EIF2S2: variants seen among roughly 807,000 people sequenced by gnomAD.
EIF2S2 encodes the protein eukaryotic translation initiation factor 2 subunit beta.
A neutral mutation model predicts 44.0 loss-of-function variants in EIF2S2; 4 were observed. That is an observed-to-expected ratio of 0.09 (90% CI 0.04 to 0.21). The LOEUF is 0.21. EIF2S2 is among the 10% of genes least tolerant of loss of function. The probability of loss-of-function intolerance (pLI) is 1.00; values close to 1 mark genes in which losing one functional copy is unlikely to be tolerated. For synonymous variants in EIF2S2, 108 were observed against 128.3 expected (o/e 0.84, Z 1.07); for missense variants, 154 against 392.0 (o/e 0.39, Z 5.13).
chr20:34,098,585 C>T lies in EIF2S2; in HGVS notation c.346G>A (p.Asp116Asn). The T allele has an allele frequency of 6.2e-7, 1 of 1,613,976 alleles. No homozygotes were observed. The change falls in exon 4 of 9, where the codon GAC (aspartate) becomes AAC (asparagine). Residue 116 changes from aspartate to asparagine, a missense_variant. Physicochemically the swap from Asp to Asn is conservative, Grantham distance 23 (BLOSUM62 1). This residue lies in a region of EIF2S2 where 134 missense variants were observed against 225.0 expected (regional missense o/e 0.60). Coordinates refer to ENST00000374980, the MANE Select transcript of EIF2S2 (RefSeq NM_003908.5). Reference protein sequence around the residue: ...DVQEPTEPEDDLDIMLGNKKK... With the variant: ...DVQEPTEPEDNLDIMLGNKKK... Reference sequence around the variant, plus strand: ...TTATTGCCAAGCATAATGTCAAGGTCATCCTCTGGTTCAGTTGGTTCTTGA... The same window carrying T: ...TTATTGCCAAGCATAATGTCAAGGTTATCCTCTGGTTCAGTTGGTTCTTGA...
intron 7 of EIF2S2, among the ~76,000 whole-genome samples, chr20:34,091,776 T>TTTGGGGGGGGGG (rs4012181): frequency 1.0e-5 from 1 of 95,814 alleles, no homozygotes. Flanking sequence ...TTTATTTTTT[T>TTTGGGGGGGGGG]GGGGGGGGGG....
At chr20:34,091,798 G>A (rs2034168825) in intron 7 of EIF2S2, among the ~76,000 whole-genome samples, 1 of 149,604 alleles carries the variant, frequency 6.7e-6, no homozygotes, top group Non-Finnish European at 1.5e-5. Flanking sequence ...GTCCAAGGGT[G>A]GAGGTTTAAT....
At chr20:34,110,574 T>C (rs1312541849) in intron 1 of EIF2S2, among the ~76,000 whole-genome samples, 1 of 152,226 alleles carries the variant, frequency 6.6e-6, no homozygotes, top group South Asian at 2.1e-4. Context: ...CCATCTTTGC[T>C]TCACAAAATT....
At chr20:34,100,012 ACTT>A (rs1314864078) in intron 3 of EIF2S2, among the ~76,000 whole-genome samples, 24 of 152,066 alleles carry the variant, frequency 1.6e-4, no homozygotes, top group Admixed American at 3.9e-4. Context: ...TACATTATTT[ACTT>A]CTTATTATTA....
intron 1 of EIF2S2, among the ~76,000 whole-genome samples, chr20:34,107,354 A>C (rs935287382): frequency 3.3e-5 from 5 of 152,152 alleles, no homozygotes; most frequent in Non-Finnish European, 7.4e-5. Flanking sequence ...AAGTGTTTAA[A>C]AGCACAAGTC....
At chr20:34,094,519 A>T (rs11700255) in intron 6 of EIF2S2, among the ~76,000 whole-genome samples, 40,503 of 152,090 alleles carry the variant, frequency 0.27, 6,604 homozygotes, top group Non-Finnish European at 0.36. Context: ...CAAACAGGCT[A>T]ATAAATATAT....
At chr20:34,092,800 G>A (rs184545423) in intron 7 of EIF2S2, among the ~76,000 whole-genome samples, 95 of 152,312 alleles carry the variant, frequency 6.2e-4, no homozygotes, top group African/African-American at 2.2e-3. Context: ...AGAGTAGGAA[G>A]AGAACACCTT....
chr20:34,094,458 G>T (rs77203845), intron 6 of EIF2S2, among the ~76,000 whole-genome samples: 1 of 152,232 alleles, frequency 6.6e-6, no homozygotes, highest in South Asian at 2.1e-4. Flanking sequence ...AAGCAAATGT[G>T]TCAAAAGTTC....
intron 7 of EIF2S2, among the ~76,000 whole-genome samples, chr20:34,092,058 A>C (rs995784339): frequency 5.9e-5 from 9 of 152,118 alleles, no homozygotes; most frequent in African/African-American, 2.2e-4. Flanking sequence ...TCAAAATTAT[A>C]AATCATAAAG....
intron 2 of EIF2S2, among the ~76,000 whole-genome samples, chr20:34,104,075 T>G (rs1395249376): frequency 6.6e-6 from 1 of 152,194 alleles, no homozygotes; most frequent in Non-Finnish European, 1.5e-5. Flanking sequence ...AAAATCTGGT[T>G]AGGGGACCAT....
At chr20:34,103,367 A>C in intron 3 of EIF2S2, 95 bp downstream of exon 3, 1 of 1,434,166 alleles carries the variant, frequency 7.0e-7, no homozygotes, top group Non-Finnish European at 9.2e-7. Flanking sequence ...AACAAAAGCA[A>C]AGCTAGTAAG....
At chr20:34,099,630 AC>A (rs2034272990) in intron 3 of EIF2S2, among the ~76,000 whole-genome samples, 1 of 152,122 alleles carries the variant, frequency 6.6e-6, no homozygotes, top group Admixed American at 6.6e-5. Flanking sequence ...GTTCCTCAAG[AC>A]TGCCTTCACT....
At chr20:34,098,477 C>A in intron 4 of EIF2S2, 21 bp downstream of exon 4, 11 of 1,611,236 alleles carry the variant, frequency 6.8e-6, no homozygotes, top group Non-Finnish European at 9.3e-6. Context: ...TCTAAATGTG[C>A]TGCTGAGTCC....
At chr20:34,098,996 T>C (rs1431615838) in intron 3 of EIF2S2, among the ~76,000 whole-genome samples, 2 of 152,232 alleles carry the variant, frequency 1.3e-5, no homozygotes, top group Non-Finnish European at 2.9e-5. Flanking sequence ...GTGGGATCTT[T>C]CCCCCTCATT....
rs565031412 is a variant in EIF2S2 at position 34,098,775 on chromosome 20, G to A, written c.298-142C>T. The A allele has an allele frequency of 1.3e-4, 125 of 979,594 alleles. No individual in the cohort carries two copies. In the East Asian group the frequency reaches 2.9e-3, roughly 22 times the overall value. 60.7% of individuals were successfully genotyped at this position (979,594 alleles called of 1,614,324 possible). On this transcript the variant is annotated intron_variant, in intron 3 of 8. Coordinates refer to ENST00000374980, the MANE Select transcript of EIF2S2 (RefSeq NM_003908.5). ...ACTCCTGGCCTCAAGAGATCCTCCC[G>A]CCCTGGCCTCCCAAAATGCTGGGAT...
intron 2 of EIF2S2, among the ~76,000 whole-genome samples, chr20:34,105,039 A>G (rs1568718308): frequency 6.6e-6 from 1 of 152,236 alleles, no homozygotes; most frequent in Non-Finnish European, 1.5e-5. Context: ...CTAAGACACA[A>G]AACTGCCTAT....
Position 34,093,701 on chromosome 20 carries a change from T to C in EIF2S2, c.714A>G (p.Ala238=), listed in dbSNP as rs767682884. 3.7e-6 allele frequency: 6 copies of C among 1,609,054 alleles called. No homozygotes were observed. The highest frequency in any genetic ancestry group is 4.2e-6 in the Non-Finnish European group (5 of 1,177,052). The change falls in exon 7 of 9, where the codon GCA becomes GCG. Residue 238 remains alanine (A), a synonymous_variant. Transcript: ENST00000374980. ...LLHRQPKHLL[A]FLLAELGTSG... The stretch of plus-strand genomic sequence containing the variant: ...TTGTACCCAATTCAGCCAACAAAAA[T>C]GCAAGGAGATGTTTGGGCTGACGAT...
chr20:34,108,490 T>C (rs756527340), intron 1 of EIF2S2, among the ~76,000 whole-genome samples: 17 of 152,190 alleles, frequency 1.1e-4, no homozygotes. Context: ...AAAATGGCTT[T>C]TTAAGACTTT....
intron 6 of EIF2S2, 142 bp downstream of exon 6, chr20:34,096,515 C>G (rs981780112): frequency 8.9e-6 from 7 of 782,464 alleles, no homozygotes; most frequent in African/African-American, 1.8e-5. Flanking sequence ...AAATGACAGG[C>G]TTGAACGGTG....
Sources: gnomAD v4.1 joint callset for allele counts (sites outside exome capture counted in the v4.1 genomes callset) on GRCh38, gnomAD v4.1.1 for gene constraint, gnomAD v4.1.1 regional missense constraint, MANE v1.5 for transcripts, NCBI Gene and HGNC (gene_info 2026-07-23, HGNC 2026-07-21) for gene names.